Variants in ARHGEF28 observed in about 807,000 individuals in gnomAD.
ARHGEF28 encodes 190 kDa guanine nucleotide exchange factor.
A neutral mutation model predicts 206.6 loss-of-function variants in ARHGEF28; 152 were observed. The observed-to-expected ratio is 0.74, with a 90% CI of 0.64 to 0.84. The LOEUF is 0.84. ARHGEF28 is among the 40% of genes least tolerant of loss of function. The pLI, the probability that ARHGEF28 is intolerant of heterozygous loss-of-function variation, is 0.00. For missense variants in ARHGEF28, 2,028 were observed against 2,073.2 expected (o/e 0.98, Z 0.42); for synonymous variants, 763 against 776.4 (o/e 0.98, Z 0.29).
chr5:73,918,404 G>A (rs1297320491), intron 35 of ARHGEF28, among the ~76,000 whole-genome samples: 3 of 152,160 alleles, frequency 2.0e-5, no homozygotes, highest in African/African-American at 7.2e-5. Flanking sequence ...TAAGTGAGGA[G>A]TGACAATTAC....
At chr5:73,922,806 C>G (rs1361267289) in intron 35 of ARHGEF28, among the ~76,000 whole-genome samples, 1 of 152,102 alleles carries the variant, frequency 6.6e-6, no homozygotes, top group African/African-American at 2.4e-5. Context: ...GTTTAAACTT[C>G]TAGTTCATGA....
At chr5:73,924,382 G>A (rs1257214011) in intron 35 of ARHGEF28, among the ~76,000 whole-genome samples, 1 of 152,164 alleles carries the variant, frequency 6.6e-6, no homozygotes, top group African/African-American at 2.4e-5. Context: ...TGGTGTCTCA[G>A]TTTCCTCATC....
rs368657606 is a variant in ARHGEF28, at chr5:73,832,378, G to A, written c.1065G>A (p.Ser355=). 2.2e-5 allele frequency: 35 copies of A among 1,612,428 alleles called. No individual in the cohort carries two copies. The highest frequency in any genetic ancestry group is 2.8e-5 in the Non-Finnish European group (33 of 1,179,266). The change falls in exon 10 of 36, where the codon TCG becomes TCA. Residue 355 remains serine, a synonymous_variant. Coordinates refer to ENST00000513042, the MANE Select transcript of ARHGEF28 (RefSeq NM_001177693.2). ...FDILKKSKPP[S]TLLAAGRLSD... Reference sequence around the variant, plus strand: ...TCCTAAAAAAATCCAAGCCGCCCTCGACATTGCTTGCTGCAGGCCGGCTTT... The same window carrying A: ...TCCTAAAAAAATCCAAGCCGCCCTCAACATTGCTTGCTGCAGGCCGGCTTT...
intron 35 of ARHGEF28, among the ~76,000 whole-genome samples, chr5:73,927,600 C>T (rs973851437): frequency 6.6e-6 from 1 of 152,134 alleles, no homozygotes; most frequent in African/African-American, 2.4e-5. Context: ...TTCAAGTGAT[C>T]CCCCTGCCTC....
chr5:73,730,487 A>G (rs1225300726), intron 2 of ARHGEF28, among the ~76,000 whole-genome samples: 4 of 149,696 alleles, frequency 2.7e-5, no homozygotes, highest in Admixed American at 2.7e-4. Context: ...TTGATCATGT[A>G]TGCAACCTAT....
intron 1 of ARHGEF28, among the ~76,000 whole-genome samples, chr5:73,650,277 CTT>C (rs138217794): frequency 7.6e-4 from 71 of 94,024 alleles, no homozygotes; most frequent in African/African-American, 3.0e-3. Flanking sequence ...TTCTTTCTTT[CTT>C]TTTTTTTTTT....
intron 2 of ARHGEF28, among the ~76,000 whole-genome samples, chr5:73,689,779 CA>C (rs144520601): frequency 0.29 from 41,091 of 140,196 alleles, 6,413 homozygotes; most frequent in African/African-American, 0.44. Flanking sequence ...AAAGAAAAAA[CA>C]AAAAAAAAAA....
At position 73,733,279 on chromosome 5, in the gene ARHGEF28, A is replaced by T. The variant is rs372284938; in HGVS notation, c.34-16558A>T. 3.2e-4 allele frequency among the ~76,000 whole-genome samples: 48 copies of T among 152,374 alleles called. 1 individual carries two copies. In the East Asian group the frequency reaches 8.9e-3, roughly 28 times the overall value. ...TAAACACATAATAGGGTCTTACTCCATGCCAGGCAGAGGCATTCATTATTA... is the reference window on the plus strand; with the variant it reads ...TAAACACATAATAGGGTCTTACTCCTTGCCAGGCAGAGGCATTCATTATTA... On this transcript the variant is annotated intron_variant, in intron 2 of 35. Coordinates refer to ENST00000513042, the MANE Select transcript of ARHGEF28 (RefSeq NM_001177693.2).
In ARHGEF28 at chr5:73,628,580, C is replaced by T. The variant is rs562187989; in HGVS notation, c.-12+2258C>T. Reference sequence around the variant, plus strand: ...TGTATTTATGTTGCTTTTAGTGAAGCAGAGTAGCTCTGGGATCCCCCCACC... The same window carrying T: ...TGTATTTATGTTGCTTTTAGTGAAGTAGAGTAGCTCTGGGATCCCCCCACC... On this transcript the variant is annotated intron_variant, in intron 1 of 35. Coordinates refer to ENST00000513042, the MANE Select transcript of ARHGEF28 (RefSeq NM_001177693.2). 2.6e-5 allele frequency among the ~76,000 whole-genome samples: 4 copies of T among 152,278 alleles called. No individual in the cohort carries two copies. In the East Asian group the frequency reaches 7.7e-4, roughly 29 times the overall value.
chr5:73,811,752 G>A (rs866611672), intron 9 of ARHGEF28, among the ~76,000 whole-genome samples: 5 of 152,198 alleles, frequency 3.3e-5, no homozygotes, highest in South Asian at 4.1e-4. Context: ...GGAGGCCAAG[G>A]TGGGTGGATC....
At chr5:73,779,120 T>C (rs1165293595) in intron 6 of ARHGEF28, among the ~76,000 whole-genome samples, 1 of 152,278 alleles carries the variant, frequency 6.6e-6, no homozygotes, top group South Asian at 2.1e-4. Flanking sequence ...ACTTTCAGAG[T>C]TGTAAAGGGT....
intron 1 of ARHGEF28, among the ~76,000 whole-genome samples, chr5:73,660,236 C>T (rs1403097847): frequency 1.3e-5 from 2 of 152,176 alleles, no homozygotes; most frequent in African/African-American, 2.4e-5. Flanking sequence ...TATCAAGAAA[C>T]CACTTTCTTT....
At chr5:73,776,997 G>A (rs1486009587) in intron 6 of ARHGEF28, among the ~76,000 whole-genome samples, 1 of 152,094 alleles carries the variant, frequency 6.6e-6, no homozygotes, top group Non-Finnish European at 1.5e-5. Flanking sequence ...ATCTAAAGCA[G>A]TTACATTTAG....
At chr5:73,855,689 G>A (rs1025008690) in intron 14 of ARHGEF28, among the ~76,000 whole-genome samples, 1 of 151,310 alleles carries the variant, frequency 6.6e-6, no homozygotes, top group Non-Finnish European at 1.5e-5. Context: ...CCAAGATCAC[G>A]CCATTGCACT....
In ARHGEF28 at chr5:73,834,484, C is replaced by G. The variant is rs1757486060; in HGVS notation, c.1146+2025C>G. 4.6e-5 allele frequency among the ~76,000 whole-genome samples: 7 copies of G among 152,064 alleles called. No individual in the cohort carries two copies. In the South Asian group the frequency reaches 1.5e-3, roughly 32 times the overall value. Reference sequence around the variant, plus strand: ...TACTTAGCATAATGTCTTCCAGATTCATCCATGTTGTCACAAATGGCAGGA... The same window carrying G: ...TACTTAGCATAATGTCTTCCAGATTGATCCATGTTGTCACAAATGGCAGGA... On this transcript the variant is annotated intron_variant, in intron 10 of 35. Transcript: ENST00000513042.
At position 73,897,968 on chromosome 5, in the gene ARHGEF28, G is replaced by A; in HGVS notation, c.3848G>A (p.Ser1283Asn). ...TTGTTTTTCTCCATCTTAGCTGAGA[G>A]CCTACAAGTTGCAGTGAAGGCCTCA... ...LLAAALKEAE[S>N]LQVAVKASQM... The change falls in exon 30 of 36, where the codon AGC (serine) becomes AAC (asparagine). Residue 1283 changes from serine to asparagine, a missense_variant. By Grantham distance (46) the Ser-to-Asn change is conservative (BLOSUM62 1). Around this residue, in one of 3 missense-constraint regions of ARHGEF28, gnomAD observed 803 missense variants for 768.0 expected, o/e 1.05. Transcript: ENST00000513042. The A allele has an allele frequency of 6.3e-7, 1 of 1,576,758 alleles. No individual in the cohort carries two copies. Among genetic ancestry groups the A allele is most frequent in the South Asian group, 1.2e-5 (1 of 86,010 alleles).
chr5:73,910,530 C>T (rs771788833), intron 34 of ARHGEF28, among the ~76,000 whole-genome samples: 1 of 152,026 alleles, frequency 6.6e-6, no homozygotes, highest in Non-Finnish European at 1.5e-5. Flanking sequence ...CCTGGAGGCA[C>T]ACTCACTGCG....
intron 6 of ARHGEF28, chr5:73,780,203 C>T (rs571472295): frequency 3.8e-4 from 59 of 155,336 alleles, no homozygotes; most frequent in Non-Finnish European, 6.6e-4. Flanking sequence ...CCTGCACCAG[C>T]GTGTGCCAAC....
chr5:73,675,951 C>T (rs1746646805), intron 1 of ARHGEF28, among the ~76,000 whole-genome samples: 1 of 151,618 alleles, frequency 6.6e-6, no homozygotes, highest in African/African-American at 2.4e-5. Flanking sequence ...AGAACGTGAA[C>T]CGTGTGTGTG....
Sources: gnomAD v4.1 joint callset for allele counts (sites outside exome capture counted in the v4.1 genomes callset) on GRCh38, gnomAD v4.1.1 for gene constraint, gnomAD v4.1.1 regional missense constraint, MANE v1.5 for transcripts, NCBI Gene and HGNC (gene_info 2026-07-23, HGNC 2026-07-21) for gene names.